ADAMTS3: variants seen among roughly 807,000 people sequenced by gnomAD.
The protein encoded by ADAMTS3 is ADAM metallopeptidase with thrombospondin type 1 motif 3, also known as A disintegrin and metalloproteinase with thrombospondin motifs 3.
ADAMTS3 carries 73 observed loss-of-function variants against 129.0 expected under a neutral mutation model. The observed-to-expected ratio is 0.57, with a 90% CI of 0.47 to 0.69. ADAMTS3 has a LOEUF of 0.69. Among genes scored for constraint, ADAMTS3 ranks in the 30% least tolerant of loss-of-function variants. ADAMTS3 has a pLI of 0.00. For synonymous variants in ADAMTS3, 477 were observed against 510.8 expected, an observed-to-expected ratio of 0.93 and a Z score of 0.89; for missense variants, 1,457 against 1,514.5, an observed-to-expected ratio of 0.96 and a Z score of 0.63.
intron 21 of ADAMTS3, among the ~76,000 whole-genome samples, chr4:72,287,647 G>T (rs1718543098): frequency 6.6e-6 from 1 of 152,084 alleles, no homozygotes; most frequent in Non-Finnish European, 1.5e-5. Context: ...AAAAGCATGT[G>T]TGGCTGACAT....
intron 4 of ADAMTS3, among the ~76,000 whole-genome samples, chr4:72,401,794 T>A (rs1721929551): frequency 6.6e-6 from 1 of 152,114 alleles, no homozygotes; most frequent in Non-Finnish European, 1.5e-5. Flanking sequence ...TAAGTCAATA[T>A]TAGATTTAAT....
At chr4:72,410,736 T>C (rs1722166148) in intron 4 of ADAMTS3, among the ~76,000 whole-genome samples, 1 of 152,148 alleles carries the variant, frequency 6.6e-6, no homozygotes, top group Non-Finnish European at 1.5e-5. Context: ...TTTATGACCC[T>C]TTAATTTTTA....
At position 72,481,375 on chromosome 4, in the gene ADAMTS3, G is replaced by A. The variant is rs143052423; in HGVS notation, c.505-66404C>T. 2.0e-5 allele frequency among the ~76,000 whole-genome samples: 3 copies of A among 152,222 alleles called. No individual in the cohort carries two copies. The East Asian group carries it at 5.8e-4, about 29-fold the overall frequency. On this transcript the variant is annotated intron_variant, in intron 3 of 21. Transcript: ENST00000286657. ...ACATAGCCCAATGGAACAAAGTAAA[G>A]AATCCAGAAACATATCCACACCAAT...
intron 3 of ADAMTS3, among the ~76,000 whole-genome samples, chr4:72,512,735 T>A (rs529800456): frequency 7.2e-5 from 11 of 152,262 alleles, no homozygotes; most frequent in Admixed American, 1.3e-4. Context: ...ACACCTACTA[T>A]GTACCCACAA....
intron 4 of ADAMTS3, among the ~76,000 whole-genome samples, chr4:72,388,948 T>C (rs928488580): frequency 6.6e-6 from 1 of 152,182 alleles, no homozygotes; most frequent in Non-Finnish European, 1.5e-5. Context: ...ATGTGAAATG[T>C]TGTCTACTAG....
intron 4 of ADAMTS3, among the ~76,000 whole-genome samples, chr4:72,390,895 A>T (rs1333222004): frequency 4.4e-4 from 3 of 6,750 alleles, no homozygotes; most frequent in South Asian, 0.038. Context: ...GAAAAAATTA[A>T]AAAAAAAAAA....
rs747939059 is a variant in ADAMTS3 at position 72,298,363 on chromosome 4, T to C, written c.2504A>G (p.Asn835Ser). ...IIHEDSVPTI[N>S]SNNVIQEELD... ...TTCTTCCTGGATGACATTGTTGCTGTTGATTGTAGGTACAGAGTCTTCATG... is the reference window on the plus strand; with the variant it reads ...TTCTTCCTGGATGACATTGTTGCTGCTGATTGTAGGTACAGAGTCTTCATG... The change falls in exon 18 of 22, where the codon AAC becomes AGC. Residue 835 changes from asparagine (N) to serine (S), a missense_variant. By Grantham distance (46) the Asn-to-Ser change is conservative. Coordinates refer to ENST00000286657, the MANE Select transcript of ADAMTS3 (RefSeq NM_014243.3). 3.1e-6 allele frequency: 5 copies of C among 1,613,232 alleles called. No homozygotes were observed. Among genetic ancestry groups the C allele is most frequent in the Non-Finnish European group, 4.2e-6 (5 of 1,179,376 alleles).
chr4:72,396,553 A>G (rs1483370508), intron 4 of ADAMTS3, among the ~76,000 whole-genome samples: 1 of 152,154 alleles, frequency 6.6e-6, no homozygotes, highest in South Asian at 2.1e-4. Context: ...GAATATGACT[A>G]TATTTACAGA....
intron 3 of ADAMTS3, among the ~76,000 whole-genome samples, chr4:72,529,818 A>T (rs1275464861): frequency 1.1e-5 from 1 of 92,498 alleles, no homozygotes; most frequent in Non-Finnish European, 2.0e-5. Flanking sequence ...TATATATAAT[A>T]ATACATAATA....
At chr4:72,568,614 G>A in intron 1 of ADAMTS3, 80 bp downstream of exon 1, 1 of 1,044,614 alleles carries the variant, frequency 9.6e-7, no homozygotes, top group South Asian at 1.4e-5. Flanking sequence ...GGAGGAAAGA[G>A]AGGAGGGTAG....
intron 3 of ADAMTS3, among the ~76,000 whole-genome samples, chr4:72,436,091 T>C (rs1181683827): frequency 6.6e-6 from 1 of 152,016 alleles, no homozygotes; most frequent in Non-Finnish European, 1.5e-5. Context: ...AGAAAATTTT[T>C]GCAATCTACC....
chr4:72,440,580 C>T (rs1006984950), intron 3 of ADAMTS3, among the ~76,000 whole-genome samples: 1 of 151,790 alleles, frequency 6.6e-6, no homozygotes, highest in Non-Finnish European at 1.5e-5. Context: ...AGAGTGGCTT[C>T]AGCACCTGGC....
intron 5 of ADAMTS3, among the ~76,000 whole-genome samples, chr4:72,332,921 T>A (rs1477158326): frequency 6.6e-6 from 1 of 152,118 alleles, no homozygotes; most frequent in Non-Finnish European, 1.5e-5. Flanking sequence ...AAGAGATATA[T>A]AAAATGCCTC....
intron 3 of ADAMTS3, among the ~76,000 whole-genome samples, chr4:72,514,412 C>A (rs1395501484): frequency 6.6e-6 from 1 of 152,098 alleles, no homozygotes; most frequent in Non-Finnish European, 1.5e-5. Context: ...TATTATAAAA[C>A]CATGAAAAAC....
chr4:72,511,573 T>C (rs1720317410), intron 3 of ADAMTS3, among the ~76,000 whole-genome samples: 1 of 152,202 alleles, frequency 6.6e-6, no homozygotes, highest in Non-Finnish European at 1.5e-5. Context: ...CGATATTATC[T>C]CACCTCAGTT....
intron 3 of ADAMTS3, among the ~76,000 whole-genome samples, chr4:72,454,173 ATT>A (rs976941723): frequency 5.9e-5 from 9 of 151,450 alleles, no homozygotes; most frequent in Non-Finnish European, 1.0e-4. Flanking sequence ...TTTATTTTTT[ATT>A]GTTTTGATTT....
intron 4 of ADAMTS3, among the ~76,000 whole-genome samples, chr4:72,408,007 A>G (rs1364112013): frequency 2.6e-5 from 4 of 152,144 alleles, no homozygotes; most frequent in African/African-American, 9.7e-5. Context: ...AGATATTTAG[A>G]CCAGACAGGT....
intron 3 of ADAMTS3, among the ~76,000 whole-genome samples, chr4:72,485,084 G>A (rs1248651318): frequency 6.6e-6 from 1 of 152,076 alleles, no homozygotes. Flanking sequence ...TTATACTTCT[G>A]ATTATTTCTG....
rs1458873591 is a variant in ADAMTS3 at position 72,413,791 on chromosome 4, A to G, written c.661+1024T>C. On this transcript the variant is annotated intron_variant, in intron 4 of 21. Coordinates refer to ENST00000286657, the MANE Select transcript of ADAMTS3 (RefSeq NM_014243.3). Reference sequence around the variant, plus strand: ...CCAAGTCTAACTGCAAAGCCTCTACAGTGACTCTCTAAGCTAGGCATACAT... The same window carrying G: ...CCAAGTCTAACTGCAAAGCCTCTACGGTGACTCTCTAAGCTAGGCATACAT... Among the ~76,000 whole-genome samples, 4 of 152,100 alleles carry G rather than the reference A, an allele frequency of 2.6e-5. No homozygotes were observed. In the East Asian group the frequency reaches 7.7e-4, roughly 29 times the overall value.
Sources: gnomAD v4.1 joint callset for allele counts (sites outside exome capture counted in the v4.1 genomes callset) on GRCh38, gnomAD v4.1.1 for gene constraint, MANE v1.5 for transcripts, NCBI Gene and HGNC (gene_info 2026-07-23, HGNC 2026-07-21) for gene names.